BRIP1: variants seen among roughly 807,000 people sequenced by gnomAD.
The protein encoded by BRIP1 is BRCA1 interacting DNA helicase 1, also known as Fanconi anemia group J protein.
BRIP1 carries 88 observed loss-of-function variants against 119.7 expected under a neutral mutation model. That is an observed-to-expected ratio of 0.74 (90% CI 0.62 to 0.88). The LOEUF (loss-of-function observed/expected upper bound fraction) is 0.88, where lower values mean the gene tolerates loss of function less well. Ranked by LOEUF, BRIP1 falls within the 40% of genes least tolerant of loss-of-function variation. The probability of loss-of-function intolerance (pLI) is 0.00; values close to 1 mark genes in which losing one functional copy is unlikely to be tolerated. For missense variants in BRIP1, 1,259 were observed against 1,455.4 expected (o/e 0.87, Z 2.20); for synonymous variants, 443 against 496.5 (o/e 0.89, Z 1.43).
rs111422052 is a variant in BRIP1 at position 61,693,799 on chromosome 17, T to C, written c.2493-287A>G. On this transcript the variant is annotated intron_variant, in intron 17 of 19. Coordinates refer to ENST00000259008, the MANE Select transcript of BRIP1 (RefSeq NM_032043.3). The surrounding 1 kb of genome is among the most constrained non-coding windows in gnomAD (Gnocchi z 4.2). ...TATTCTAAGATCTTTCTTAGCCACA[T>C]AGACTGTTTTCTTTTTTTTACCTTA... 1.9e-4 allele frequency among the ~76,000 whole-genome samples: 29 copies of C among 152,244 alleles called. No homozygotes were observed. The highest frequency in any genetic ancestry group is 4.6e-4 in the African/African-American group (19 of 41,566).
rs2061728024 is a variant in BRIP1 at position 61,708,583 on chromosome 17, C to G, written c.2492+7368G>C. 6.6e-6 allele frequency among the ~76,000 whole-genome samples: 1 copy of G among 152,168 alleles called. No individual in the cohort carries two copies. The highest frequency in any genetic ancestry group is 2.4e-5 in the African/African-American group (1 of 41,434). On this transcript the variant is annotated intron_variant, in intron 17 of 19. Transcript: ENST00000259008. This position sits in a 1 kb window ranked among gnomAD's most constrained non-coding sequence, Gnocchi z 4.4. ...GTCTGTTGTGTTGTTTCTATTTTCT[C>G]AGAGTTCTTCTGCTGTGTTTTTGTT...
chr17:61,772,648 A>G (rs1200445701), intron 14 of BRIP1, among the ~76,000 whole-genome samples: 2 of 151,868 alleles, frequency 1.3e-5, no homozygotes, highest in Non-Finnish European at 2.9e-5. Context: ...GAGAAACCCC[A>G]TCTCTACTAA....
At position 61,680,109 on chromosome 17, in the gene BRIP1, G is replaced by A. The variant is rs1366079196; in HGVS notation, c.*3187C>T. Among the ~76,000 whole-genome samples, 1 of 151,498 alleles carries A rather than the reference G, an allele frequency of 6.6e-6. No individual in the cohort carries two copies. Among genetic ancestry groups the A allele is most frequent in the African/African-American group, 2.4e-5 (1 of 41,162 alleles). ...TGTAATCCCAACACTTTGGGAGGCC[G>A]AGGTGGGCAGATCACTTGAGGTCAG... On this transcript the variant is annotated 3_prime_UTR_variant, in exon 20 of 20. Coordinates refer to ENST00000259008, the MANE Select transcript of BRIP1 (RefSeq NM_032043.3).
In BRIP1 at chr17:61,857,104, T is replaced by G; in HGVS notation, c.333A>C (p.Pro111=). 1 of 1,614,124 alleles carries G rather than the reference T, an allele frequency of 6.2e-7. No individual in the cohort carries two copies. The highest frequency in any genetic ancestry group is 2.2e-5 in the East Asian group (1 of 44,866). ...NQGTSRHFNY[P]STPPSERNGT... is the part of the protein sequence containing the mutation. ...CATTTCTTTCAGAAGGTGGTGTGCT[T>G]GGATAGTTGAAATGACGTGAAGTTC... Residue 111 remains proline (P), a synonymous_variant, in exon 4 of 20, where the codon CCA becomes CCC. Transcript: ENST00000259008. This position sits in a 1 kb window ranked among gnomAD's most constrained non-coding sequence, Gnocchi z 5.1.
chr17:61,847,017 C>T, intron 6 of BRIP1, 84 bp downstream of exon 6: 1 of 1,539,480 alleles, frequency 6.5e-7, no homozygotes, highest in Non-Finnish European at 8.9e-7. Flanking sequence ...TTGTATTATA[C>T]TATTGTTCCT....
Position 61,686,048 on chromosome 17 carries a change from T to A in BRIP1, c.2693A>T (p.Asp898Val), listed in dbSNP as rs752340544. ...HQKVLNVSIK[D>V]RTNIQDNEST... is the part of the protein sequence containing the mutation. ...CTCATTGTCCTGTATATTGGTTCTG[T>A]CCTTTATGGATACATTAAGAACTTT... Residue 898 changes from aspartate (D) to valine (V), a missense_variant, in exon 19 of 20, where the codon GAC becomes GTC. Coordinates refer to ENST00000259008, the MANE Select transcript of BRIP1 (RefSeq NM_032043.3). This position sits in a 1 kb window ranked among gnomAD's most constrained non-coding sequence, Gnocchi z 5.4. 1 of 1,613,896 alleles carries A rather than the reference T, an allele frequency of 6.2e-7. No homozygotes were observed.
At position 61,819,146 on chromosome 17, in the gene BRIP1, A is replaced by G. The variant is rs577935698; in HGVS notation, c.628-10389T>C. On this transcript the variant is annotated intron_variant, in intron 6 of 19. Coordinates refer to ENST00000259008, the MANE Select transcript of BRIP1 (RefSeq NM_032043.3). ...AGTTGCAGCGAGCCGAGATCATGCCACTGCACTCCAGCCTGGGCAACAGAG... is the reference window on the plus strand; with the variant it reads ...AGTTGCAGCGAGCCGAGATCATGCCGCTGCACTCCAGCCTGGGCAACAGAG... 2.7e-5 allele frequency among the ~76,000 whole-genome samples: 4 copies of G among 150,302 alleles called. No individual in the cohort carries two copies. The South Asian group carries it at 8.5e-4, about 32-fold the overall frequency.
rs1172227596 is a variant in BRIP1 at position 61,767,626 on chromosome 17, C to T, written c.2097+8775G>A. Among the ~76,000 whole-genome samples the T allele has an allele frequency of 6.6e-6, 1 of 151,982 alleles. No individual in the cohort carries two copies. Among genetic ancestry groups the T allele is most frequent in the Admixed American group, 6.6e-5 (1 of 15,246 alleles). On this transcript the variant is annotated intron_variant, in intron 14 of 19. Transcript: ENST00000259008. This position sits in a 1 kb window ranked among gnomAD's most constrained non-coding sequence, Gnocchi z 5.7. The stretch of plus-strand genomic sequence containing the variant: ...TTGATTTTTAGTAGAGATGAGGTTT[C>T]ACCATGTTGCCCAACCTGATGTCAA...
intron 17 of BRIP1, among the ~76,000 whole-genome samples, chr17:61,697,005 G>GAAA (rs1567740818): frequency 0.18 from 20,607 of 113,096 alleles, 2,467 homozygotes; most frequent in Admixed American, 0.3. Flanking sequence ...AAAAAAAAAG[G>GAAA]GGGGGGGAAG....
At chr17:61,786,289 C>T (rs971245955) in intron 10 of BRIP1, among the ~76,000 whole-genome samples, 1 of 151,792 alleles carries the variant, frequency 6.6e-6, no homozygotes, top group African/African-American at 2.4e-5. Flanking sequence ...AACAGAAAGT[C>T]AACAGACAAC....
intron 6 of BRIP1, among the ~76,000 whole-genome samples, chr17:61,821,135 G>A (rs2078316937): frequency 6.6e-6 from 1 of 152,112 alleles, no homozygotes; most frequent in Non-Finnish European, 1.5e-5. Context: ...CTGATTGGTT[G>A]TGGGAGGCAA....
At chr17:61,797,928 T>C (rs531507145) in intron 9 of BRIP1, among the ~76,000 whole-genome samples, 1 of 152,142 alleles carries the variant, frequency 6.6e-6, no homozygotes. Flanking sequence ...CTCTTATACA[T>C]TGCTGGTAGA....
intron 6 of BRIP1, among the ~76,000 whole-genome samples, chr17:61,830,863 G>C (rs2078483227): frequency 6.6e-6 from 1 of 152,078 alleles, no homozygotes; most frequent in African/African-American, 2.4e-5. Context: ...TAGATGGAAA[G>C]AATCCTTAAC....
Position 61,687,274 on chromosome 17 carries a change from A to G in BRIP1, c.2576-1109T>C, listed in dbSNP as rs1243988035. Among the ~76,000 whole-genome samples the G allele has an allele frequency of 3.9e-5, 6 of 152,176 alleles. No individual in the cohort carries two copies. Among genetic ancestry groups the G allele is most frequent in the Non-Finnish European group, 5.9e-5 (4 of 68,034 alleles). On this transcript the variant is annotated intron_variant, in intron 18 of 19. Coordinates refer to ENST00000259008, the MANE Select transcript of BRIP1 (RefSeq NM_032043.3). This position sits in a 1 kb window ranked among gnomAD's most constrained non-coding sequence, Gnocchi z 5.1. ...ATAAGTAAATAAAAATAAGAATTTT[A>G]GTACTATATTTACCTCTTCATTTCA... is the stretch of plus-strand genomic sequence containing the variant.
rs545464682 is a variant in BRIP1, at chr17:61,789,261, T to A, written c.1473+4336A>T. Among the ~76,000 whole-genome samples the A allele has an allele frequency of 6.6e-6, 1 of 151,504 alleles. No individual in the cohort carries two copies. Among genetic ancestry groups the A allele is most frequent in the South Asian group, 2.1e-4 (1 of 4,810 alleles). On this transcript the variant is annotated intron_variant, in intron 10 of 19. Transcript: ENST00000259008. This position sits in a 1 kb window ranked among gnomAD's most constrained non-coding sequence, Gnocchi z 4.8. ...CATTCCGGGCAACACAGCAAGACTC[T>A]GTCTCTTAAAAACAAAAAAAAAAAG...
At position 61,770,103 on chromosome 17, in the gene BRIP1, A is replaced by G. The variant is rs1462576346; in HGVS notation, c.2097+6298T>C. 6.6e-6 allele frequency among the ~76,000 whole-genome samples: 1 copy of G among 152,236 alleles called. No individual in the cohort carries two copies. Among genetic ancestry groups the G allele is most frequent in the Non-Finnish European group, 1.5e-5 (1 of 68,042 alleles). On this transcript the variant is annotated intron_variant, in intron 14 of 19. Coordinates refer to ENST00000259008, the MANE Select transcript of BRIP1 (RefSeq NM_032043.3). The surrounding 1 kb of genome is among the most constrained non-coding windows in gnomAD (Gnocchi z 4.7). Reference sequence around the variant, plus strand: ...AGATTTTACCAGATCCTTATCCAACATGAGGGAAGGGATCATTTCCTAAAC... The same window carrying G: ...AGATTTTACCAGATCCTTATCCAACGTGAGGGAAGGGATCATTTCCTAAAC...
chr17:61,693,427 T>A lies in BRIP1; in HGVS notation c.2575+3A>T. 1 of 1,610,922 alleles carries A rather than the reference T, an allele frequency of 6.2e-7. No homozygotes were observed. The highest frequency in any genetic ancestry group is 8.5e-7 in the Non-Finnish European group (1 of 1,177,150). On this transcript the variant is annotated splice_donor_region_variant and intron_variant, in intron 18 of 19. Transcript: ENST00000259008. This position sits in a 1 kb window ranked among gnomAD's most constrained non-coding sequence, Gnocchi z 4.2. ...TTTACTCTAAGCCCAGCTGAGATCT[T>A]ACCAGATATATAGCGACTTGGGTTA...
chr17:61,801,262 T>A lies in BRIP1; in HGVS notation c.1131A>T (p.Ile377=), dbSNP rs927733243. The change falls in exon 8 of 20, where the codon ATA becomes ATT. Residue 377 remains isoleucine (I), a synonymous_variant. Coordinates refer to ENST00000259008, the MANE Select transcript of BRIP1 (RefSeq NM_032043.3). ...CPYNYLLDAQ[I]RESMDLNLKE... ...TTACACATATACTCACACTTTCCCTTATTTGTGCATCTAGAAGATAGTTGT... is the reference window on the plus strand; with the variant it reads ...TTACACATATACTCACACTTTCCCTAATTTGTGCATCTAGAAGATAGTTGT... 4 of 1,611,632 alleles carry A rather than the reference T, an allele frequency of 2.5e-6. No homozygotes were observed. The highest frequency in any genetic ancestry group is 1.7e-5 in the Admixed American group (1 of 60,002).
In BRIP1 at chr17:61,739,905, A is replaced by C. The variant is rs2076965098; in HGVS notation, c.2379+3108T>G. On this transcript the variant is annotated intron_variant, in intron 16 of 19. Transcript: ENST00000259008. This position sits in a 1 kb window ranked among gnomAD's most constrained non-coding sequence, Gnocchi z 6.0. ...GTTTTTCAAATATATTGTTTAGGAA[A>C]CAGTCAGTGATAATGAGATACAACT... Among the ~76,000 whole-genome samples the C allele has an allele frequency of 6.6e-6, 1 of 152,188 alleles. No homozygotes were observed. The highest frequency in any genetic ancestry group is 1.5e-5 in the Non-Finnish European group (1 of 68,032).
Sources: allele counts gnomAD v4.1 joint callset (sites outside exome capture counted in the v4.1 genomes callset), GRCh38; gene constraint gnomAD v4.1.1; non-coding constraint Gnocchi (gnomAD v3.1); transcripts MANE v1.5; gene names NCBI Gene and HGNC (gene_info 2026-07-23, HGNC 2026-07-21).